The following ANGPT2 variants were observed in gnomAD, a reference collection of about 807,000 sequenced individuals.
ANGPT2 encodes angiopoietin 2.
ANGPT2 carries 28 observed loss-of-function variants against 62.9 expected under a neutral mutation model. That is an observed-to-expected ratio of 0.44 (90% CI 0.33 to 0.61). The LOEUF is 0.61. ANGPT2 is among the 20% of genes least tolerant of loss of function. The pLI, the probability that ANGPT2 is intolerant of heterozygous loss-of-function variation, is 0.03. For synonymous variants in ANGPT2, 284 were observed against 207.8 expected, an observed-to-expected ratio of 1.37 and a Z score of -3.15; for missense variants, 727 against 594.9, an observed-to-expected ratio of 1.22 and a Z score of -2.31.
intron 5 of ANGPT2, among the ~76,000 whole-genome samples, chr8:6,517,711 G>A (rs1270134478): frequency 6.6e-6 from 1 of 152,166 alleles, no homozygotes; most frequent in African/African-American, 2.4e-5. Flanking sequence ...AAGGCTGAGG[G>A]TATCATTGTT....
intron 2 of ANGPT2, among the ~76,000 whole-genome samples, chr8:6,528,528 A>C (rs758414209): frequency 6.6e-6 from 1 of 152,094 alleles, no homozygotes; most frequent in Non-Finnish European, 1.5e-5. Context: ...TCCTGTTTTA[A>C]AACTTGTTTG....
chr8:6,505,212 TATATATATATTCTTATGTATATATAGA>T (rs758053777), intron 8 of ANGPT2, among the ~76,000 whole-genome samples: 11,401 of 110,030 alleles, frequency 0.1, 1,337 homozygotes, highest in African/African-American at 0.19. Flanking sequence ...ATATAGAATA[TATATATATATTCTTATGTATATATAGA>T]ATATATATTC....
intron 1 of ANGPT2, among the ~76,000 whole-genome samples, chr8:6,540,100 G>C (rs1821268953): frequency 6.6e-6 from 1 of 152,204 alleles, no homozygotes; most frequent in Non-Finnish European, 1.5e-5. Context: ...ACAGTAATTT[G>C]AGTGTACCAG....
intron 1 of ANGPT2, among the ~76,000 whole-genome samples, chr8:6,540,529 C>A (rs577552303): frequency 6.6e-6 from 1 of 152,328 alleles, no homozygotes; most frequent in East Asian, 1.9e-4. Flanking sequence ...GCACGTTATG[C>A]ATACCTGACA....
intron 5 of ANGPT2, among the ~76,000 whole-genome samples, chr8:6,517,818 C>G (rs1816562047): frequency 6.6e-6 from 1 of 152,206 alleles, no homozygotes; most frequent in Non-Finnish European, 1.5e-5. Flanking sequence ...GTCTGTCTAT[C>G]TCTCCCTGGA....
chr8:6,538,427 G>A lies in ANGPT2; in HGVS notation c.289-5940C>T, dbSNP rs775306011. On this transcript the variant is annotated intron_variant, in intron 1 of 8. Coordinates refer to ENST00000629816, the MANE Select transcript of ANGPT2 (RefSeq NM_001118887.2). ...GAATCCACATGCAAAGCTGGTGACC[G>A]CAGCTCACTTTCTTCCCTTGCAGGT... is the stretch of plus-strand genomic sequence containing the variant. Among the ~76,000 whole-genome samples, 11 of 152,258 alleles carry A rather than the reference G, an allele frequency of 7.2e-5. No individual in the cohort carries two copies. In the East Asian group the frequency reaches 9.6e-4, roughly 13 times the overall value.
chr8:6,518,414 C>T (rs915103843), intron 5 of ANGPT2, among the ~76,000 whole-genome samples: 1 of 152,140 alleles, frequency 6.6e-6, no homozygotes, highest in South Asian at 2.1e-4. Flanking sequence ...CCCTTCCTTC[C>T]CTGTTGTATG....
At chr8:6,513,585 G>T in intron 7 of ANGPT2, 93 bp downstream of exon 7, 5 of 969,068 alleles carry the variant, frequency 5.2e-6, no homozygotes, top group African/African-American at 1.7e-5. Context: ...TGCCCACCTC[G>T]GCCTCCCAAA....
chr8:6,519,753 G>A (rs749224375), intron 5 of ANGPT2, 111 bp downstream of exon 5: 45 of 1,403,272 alleles, frequency 3.2e-5, no homozygotes, highest in Non-Finnish European at 4.1e-5. Flanking sequence ...GCTTTGTACT[G>A]TGTGAGGCTG....
intron 1 of ANGPT2, among the ~76,000 whole-genome samples, chr8:6,536,985 A>AG (rs1232992983): frequency 6.6e-6 from 1 of 151,714 alleles, no homozygotes; most frequent in African/African-American, 2.4e-5. Flanking sequence ...AAAAAAAAAA[A>AG]AAAAACCAAC....
intron 1 of ANGPT2, among the ~76,000 whole-genome samples, chr8:6,542,702 C>G (rs1485843460): frequency 6.6e-6 from 1 of 152,034 alleles, no homozygotes; most frequent in Non-Finnish European, 1.5e-5. Context: ...CCTCTCTGCC[C>G]TGTTTTTGCT....
chr8:6,562,726 G>A lies in ANGPT2; in HGVS notation c.209C>T (p.Pro70Leu), dbSNP rs1234628934. 1 of 1,613,482 alleles carries A rather than the reference G, an allele frequency of 6.2e-7. No individual in the cohort carries two copies. The highest frequency in any genetic ancestry group is 1.3e-5 in the African/African-American group (1 of 74,812). Residue 70 changes from proline to leucine, a missense_variant, in exon 1 of 9, where the codon CCG becomes CTG. Transcript: ENST00000629816. The stretch of plus-strand genomic sequence containing the variant: ...CTGCACCGAGTCATCGTATTCGAGC[G>A]GCGCGTCCCTCTGCACAGCATTGGA... ...YVSNAVQRDA[P>L]LEYDDSVQRL...
chr8:6,500,340 T>G lies in ANGPT2; in HGVS notation c.*2761A>C, dbSNP rs1476756181. On this transcript the variant is annotated 3_prime_UTR_variant, in exon 9 of 9. Transcript: ENST00000629816. Reference sequence around the variant, plus strand: ...TTATATTTTTATGGCTTTCCTAAATTCCACTTCAACTTTCAAATGCTTCAT... The same window carrying G: ...TTATATTTTTATGGCTTTCCTAAATGCCACTTCAACTTTCAAATGCTTCAT... 1 of 161,960 alleles carries G rather than the reference T, an allele frequency of 6.2e-6. No homozygotes were observed. The highest frequency in any genetic ancestry group is 2.4e-5 in the African/African-American group (1 of 41,548). The allele number at this position is 161,960 out of a possible 1,614,324, so 10.0% of individuals were successfully genotyped here.
chr8:6,521,236 C>G lies in ANGPT2; in HGVS notation c.741G>C (p.Gln247His). 1.2e-6 allele frequency: 2 copies of G among 1,613,908 alleles called. No homozygotes were observed. The highest frequency in any genetic ancestry group is 1.7e-6 in the Non-Finnish European group (2 of 1,179,936). ...ATVNNSVLQK[Q>H]QHDLMETVNN... ...TAACTGTCTCCATGAGATCATGTTGCTGCTTCTGAAGAACTGAATTATTCA... is the reference window on the plus strand; with the variant it reads ...TAACTGTCTCCATGAGATCATGTTGGTGCTTCTGAAGAACTGAATTATTCA... The change falls in exon 4 of 9, where the codon CAG becomes CAC. Residue 247 changes from glutamine (Q) to histidine (H), a missense_variant. By Grantham distance (24) the Gln-to-His change is conservative. Coordinates refer to ENST00000629816, the MANE Select transcript of ANGPT2 (RefSeq NM_001118887.2).
intron 2 of ANGPT2, among the ~76,000 whole-genome samples, chr8:6,529,078 T>G (rs2515469): frequency 0.47 from 71,983 of 151,672 alleles, 17,450 homozygotes; most frequent in African/African-American, 0.57. Context: ...AAATTCCGTG[T>G]GGAGGCAGGG....
At position 6,503,261 on chromosome 8, in the gene ANGPT2, C is replaced by G. The variant is rs1226522487; in HGVS notation, c.1328G>C (p.Gly443Ala). The G allele has an allele frequency of 6.2e-7, 1 of 1,614,054 alleles. No homozygotes were observed. Among genetic ancestry groups the G allele is most frequent in the Non-Finnish European group, 8.5e-7 (1 of 1,180,014 alleles). Residue 443 changes from glycine (G) to alanine (A), a missense_variant and splice_region_variant, in exon 9 of 9, where the codon GGC becomes GCC. By Grantham distance (60) the Gly-to-Ala change is moderately conservative. Transcript: ENST00000629816. ...AGGACCACATGCATCAAACCACCAG[C>G]CTGTGAAAGTAAAACACAGAAGGAA... is the stretch of plus-strand genomic sequence containing the variant. ...ICKCSQMLTGGWWFDACGPSN... is the reference protein window; with the variant it reads ...ICKCSQMLTGAWWFDACGPSN...
intron 5 of ANGPT2, among the ~76,000 whole-genome samples, chr8:6,518,127 G>T (rs1816636025): frequency 6.6e-6 from 1 of 152,184 alleles, no homozygotes; most frequent in African/African-American, 2.4e-5. Flanking sequence ...CTTGCACTTA[G>T]ACTGAGAAAC....
chr8:6,562,549 CTTCTTTTTTTT>C (rs1219273537), intron 1 of ANGPT2, 87 bp downstream of exon 1: 1 of 87,292 alleles, frequency 1.1e-5, no homozygotes, highest in African/African-American at 1.1e-4. Flanking sequence ...CTTCATCCTC[CTTCTTTTTTTT>C]TTTTTTTTTT....
At chr8:6,533,378 T>A (rs1819896729) in intron 1 of ANGPT2, among the ~76,000 whole-genome samples, 1 of 152,216 alleles carries the variant, frequency 6.6e-6, no homozygotes, top group Non-Finnish European at 1.5e-5. Flanking sequence ...CCTTTGGGCT[T>A]GGAGCCAGGG....
Sources: gnomAD v4.1 joint callset for allele counts (sites outside exome capture counted in the v4.1 genomes callset) on GRCh38, gnomAD v4.1.1 for gene constraint, MANE v1.5 for transcripts, NCBI Gene and HGNC (gene_info 2026-07-23, HGNC 2026-07-21) for gene names.